The following EFCAB11 variants were observed in gnomAD, a reference collection of about 807,000 sequenced individuals.
EFCAB11 encodes EF-hand calcium binding domain 11.
Under a neutral mutation model 23.0 loss-of-function variants are expected in EFCAB11, and 14 were observed. The ratio of observed to expected loss-of-function variants is 0.61; its 90% confidence interval spans 0.40 to 0.95. The LOEUF (loss-of-function observed/expected upper bound fraction) is 0.95, where lower values mean the gene tolerates loss of function less well. EFCAB11 is among the 40% of genes least tolerant of loss of function. The pLI, the probability that EFCAB11 is intolerant of heterozygous loss-of-function variation, is 0.00. For synonymous variants in EFCAB11, 65 were observed against 66.6 expected (o/e 0.98, Z 0.11); for missense variants, 198 against 195.8 (o/e 1.01, Z -0.07).
rs1486899108 is a variant in EFCAB11 at position 89,796,571 on chromosome 14, C to T, written c.*672G>A. 6.6e-6 allele frequency: 1 copy of T among 152,164 alleles called. No homozygotes were observed. Among genetic ancestry groups the T allele is most frequent in the Non-Finnish European group, 1.5e-5 (1 of 68,060 alleles). 9.4% of individuals were successfully genotyped at this position (152,164 alleles called of 1,614,324 possible). On this transcript the variant is annotated 3_prime_UTR_variant, in exon 6 of 6. Transcript: ENST00000316738. ...TCAAGTGATCCTCCTGCTTTGGCCT[C>T]CCAAAGTGCTGGGATTGTAGGCATG...
At chr14:89,906,874 G>C (rs940441639) in intron 5 of EFCAB11, among the ~76,000 whole-genome samples, 1 of 152,108 alleles carries the variant, frequency 6.6e-6, no homozygotes, top group Non-Finnish European at 1.5e-5. Flanking sequence ...GAACTTTTGT[G>C]AAATAATGTT....
intron 5 of EFCAB11, among the ~76,000 whole-genome samples, chr14:89,868,599 G>A (rs1888171751): frequency 6.6e-6 from 1 of 152,178 alleles, no homozygotes; most frequent in Admixed American, 6.5e-5. Context: ...TCAGGGATGT[G>A]GCCAGCCTTC....
intron 5 of EFCAB11, among the ~76,000 whole-genome samples, chr14:89,886,542 AAAG>A (rs1433634466): frequency 0.28 from 8,048 of 29,064 alleles, 1,312 homozygotes; most frequent in African/African-American, 0.38. Context: ...AAAAAAAAAA[AAAG>A]GAAAGTGATC....
intron 3 of EFCAB11, 44 bp from the exon 4 acceptor site, chr14:89,932,671 C>A (rs778956986): frequency 6.9e-7 from 1 of 1,455,032 alleles, no homozygotes; most frequent in South Asian, 1.2e-5. Context: ...TTATTGTCTT[C>A]CTCTTTAAGA....
chr14:89,898,862 C>A (rs748400857), intron 5 of EFCAB11, among the ~76,000 whole-genome samples: 1 of 151,402 alleles, frequency 6.6e-6, no homozygotes, highest in Non-Finnish European at 1.5e-5. Context: ...TCTGTAGTGA[C>A]GGGGTCCTGC....
intron 5 of EFCAB11, among the ~76,000 whole-genome samples, chr14:89,843,657 T>C (rs1355446361): frequency 1.3e-5 from 2 of 152,242 alleles, no homozygotes; most frequent in Admixed American, 6.5e-5. Context: ...TAACTTTTCA[T>C]ACTTTATTAC....
chr14:89,950,111 T>C lies in EFCAB11; in HGVS notation c.203A>G (p.Asn68Ser), dbSNP rs550304584. ...TTTCATATTACCAGAAGTATTTGGA[T>C]TTATTGAAGACATCACAGAATCCAC... ...IEVDSVMSSINPNTSGILLEG... is the reference protein window; with the variant it reads ...IEVDSVMSSISPNTSGILLEG... Residue 68 changes from asparagine (N) to serine (S), a missense_variant, in exon 3 of 6, where the codon AAT becomes AGT. Asn to Ser is a conservative substitution (Grantham distance 46). Coordinates refer to ENST00000316738, the MANE Select transcript of EFCAB11 (RefSeq NM_145231.4). 1 of 1,554,856 alleles carries C rather than the reference T, an allele frequency of 6.4e-7. No homozygotes were observed. Among genetic ancestry groups the C allele is most frequent in the Admixed American group, 1.8e-5 (1 of 57,018 alleles).
At chr14:89,946,955 T>C (rs1009148249) in intron 3 of EFCAB11, among the ~76,000 whole-genome samples, 1 of 152,092 alleles carries the variant, frequency 6.6e-6, no homozygotes. Flanking sequence ...TTTTTTAACA[T>C]ACTAAAAAAG....
intron 5 of EFCAB11, among the ~76,000 whole-genome samples, chr14:89,846,774 G>A (rs902873124): frequency 6.6e-6 from 1 of 152,090 alleles, no homozygotes; most frequent in Non-Finnish European, 1.5e-5. Context: ...TGCAGCCTAC[G>A]ATGCCATGAC....
chr14:89,907,925 C>A (rs575582767), intron 5 of EFCAB11, among the ~76,000 whole-genome samples: 1 of 152,236 alleles, frequency 6.6e-6, no homozygotes, highest in South Asian at 2.1e-4. Flanking sequence ...GGTCGTTGTG[C>A]GGATCAAATG....
intron 5 of EFCAB11, among the ~76,000 whole-genome samples, chr14:89,870,561 AAT>A (rs1888234160): frequency 6.6e-6 from 1 of 152,182 alleles, no homozygotes; most frequent in Admixed American, 6.5e-5. Context: ...ATATGTGACT[AAT>A]AGGTATATGA....
At chr14:89,818,135 C>T (rs1886392943) in intron 5 of EFCAB11, among the ~76,000 whole-genome samples, 1 of 152,064 alleles carries the variant, frequency 6.6e-6, no homozygotes, top group Non-Finnish European at 1.5e-5. Flanking sequence ...ATGAAAAGCT[C>T]TTATAACTCT....
intron 5 of EFCAB11, among the ~76,000 whole-genome samples, chr14:89,857,495 T>G (rs1290290874): frequency 7.2e-6 from 1 of 138,876 alleles, no homozygotes; most frequent in Non-Finnish European, 1.6e-5. Context: ...CTATAGCTGT[T>G]ACTGACCTGG....
At chr14:89,809,975 AT>A (rs1218784625) in intron 5 of EFCAB11, among the ~76,000 whole-genome samples, 1 of 152,152 alleles carries the variant, frequency 6.6e-6, no homozygotes, top group East Asian at 1.9e-4. Flanking sequence ...GATGACCCGG[AT>A]TTTAGAAGTA....
intron 5 of EFCAB11, among the ~76,000 whole-genome samples, chr14:89,840,780 C>T (rs1041235505): frequency 1.3e-5 from 2 of 152,038 alleles, no homozygotes; most frequent in African/African-American, 2.4e-5. Flanking sequence ...ACCTGGTGAA[C>T]ATAAAAGTAA....
intron 4 of EFCAB11, among the ~76,000 whole-genome samples, chr14:89,931,922 C>G (rs995676298): frequency 1.3e-5 from 2 of 152,236 alleles, no homozygotes; most frequent in African/African-American, 4.8e-5. Flanking sequence ...GACATGCACT[C>G]TAACAACGGT....
At chr14:89,917,192 T>G (rs1345735323) in intron 5 of EFCAB11, among the ~76,000 whole-genome samples, 3 of 152,022 alleles carry the variant, frequency 2.0e-5, no homozygotes, top group Non-Finnish European at 4.4e-5. Context: ...ACTAGATCAC[T>G]AGAATTCATT....
At chr14:89,927,191 T>C (rs1361067504) in intron 5 of EFCAB11, among the ~76,000 whole-genome samples, 3 of 152,196 alleles carry the variant, frequency 2.0e-5, no homozygotes, top group Non-Finnish European at 4.4e-5. Flanking sequence ...ATTGTTTTTG[T>C]TGTTTGATTG....
chr14:89,921,600 A>T (rs1281042143), intron 5 of EFCAB11, among the ~76,000 whole-genome samples: 1 of 152,164 alleles, frequency 6.6e-6, no homozygotes, highest in Non-Finnish European at 1.5e-5. Flanking sequence ...GTCTTTGGAG[A>T]ACTCTTTGAA....
Sources: allele counts gnomAD v4.1 joint callset (sites outside exome capture counted in the v4.1 genomes callset), GRCh38; gene constraint gnomAD v4.1.1; transcripts MANE v1.5; gene names NCBI Gene and HGNC (gene_info 2026-07-23, HGNC 2026-07-21).